PTBP3: variants seen among roughly 807,000 people sequenced by gnomAD.
PTBP3 encodes the protein polypyrimidine tract binding protein 3, also known as polypyrimidine tract-binding protein 3.
Under a neutral mutation model 58.7 loss-of-function variants are expected in PTBP3, and 20 were observed. The observed-to-expected ratio is 0.34, with a 90% CI of 0.24 to 0.50. The LOEUF (loss-of-function observed/expected upper bound fraction) is 0.50. PTBP3 is among the 20% of genes least tolerant of loss of function. The pLI is 0.98. For missense variants in PTBP3, 509 were observed against 637.2 expected (o/e 0.80, Z 2.17); for synonymous variants, 185 against 219.8 (o/e 0.84, Z 1.40).
intron 1 of PTBP3, among the ~76,000 whole-genome samples, chr9:112,320,279 TAAAAA>T (rs35381625): frequency 2.3e-5 from 1 of 43,748 alleles, no homozygotes; most frequent in African/African-American, 1.3e-4. Context: ...CCCTTTCTCT[TAAAAA>T]AAAAAAAATA....
At chr9:112,281,793 T>A (rs1468418945) in intron 2 of PTBP3, among the ~76,000 whole-genome samples, 1 of 152,236 alleles carries the variant, frequency 6.6e-6, no homozygotes, top group Non-Finnish European at 1.5e-5. Context: ...ATTTGTGCAC[T>A]TCATCTGAAG....
chr9:112,369,411 C>G, the PTBP3 span, among the ~76,000 whole-genome samples: 1 of 152,228 alleles, frequency 6.6e-6, no homozygotes, highest in Non-Finnish European at 1.5e-5. Context: ...ACTTGCATCA[C>G]TGTGACCTGG....
intron 10 of PTBP3, among the ~76,000 whole-genome samples, chr9:112,229,401 CA>C (rs58514341): frequency 0.018 from 2,771 of 151,798 alleles, 86 homozygotes; most frequent in African/African-American, 0.062. Context: ...CCGTCTCTAC[CA>C]AAAAATACAA....
intron 1 of PTBP3, chr9:112,330,545 G>C (rs769375967): frequency 7.5e-5 from 79 of 1,054,988 alleles, no homozygotes; most frequent in Non-Finnish European, 1.1e-4. Context: ...GACAGAGATA[G>C]TAAGAATAAA....
chr9:112,303,957 G>A (rs771343691), intron 1 of PTBP3, among the ~76,000 whole-genome samples: 8 of 151,326 alleles, frequency 5.3e-5, no homozygotes, highest in East Asian at 2.0e-4. Context: ...ACTTGAGGTC[G>A]GGAGTTCAAG....
chr9:112,333,516 G>T lies in PTBP3; in HGVS notation c.-98C>A, dbSNP rs1830475835. ...GCGCGCACAGAGCAGGGACTGACGG[G>T]CTAACCGCGAGCAGAGGAAGCAGGC... On this transcript the variant is annotated 5_prime_UTR_variant, in exon 1 of 14. Coordinates refer to ENST00000374257, the MANE Select transcript of PTBP3 (RefSeq NM_001163788.4). 2 of 1,582,568 alleles carry T rather than the reference G, an allele frequency of 1.3e-6. No individual in the cohort carries two copies. The highest frequency in any genetic ancestry group is 1.7e-6 in the Non-Finnish European group (2 of 1,164,296).
intron 3 of PTBP3, among the ~76,000 whole-genome samples, chr9:112,274,250 T>G (rs1293457871): frequency 6.6e-6 from 1 of 152,232 alleles, no homozygotes; most frequent in East Asian, 1.9e-4. Flanking sequence ...TATAGGGAAC[T>G]CAGACATCAT....
rs150530643 is a variant in PTBP3 at position 112,263,916 on chromosome 9, T to C, written c.352-1317A>G. On this transcript the variant is annotated intron_variant, in intron 4 of 13. Coordinates refer to ENST00000374257, the MANE Select transcript of PTBP3 (RefSeq NM_001163788.4). ...CCATAATGGAAACTTTTTTCTAAGT[T>C]TGTGATTGTCTCAAAATTTAAAGCA... Among the ~76,000 whole-genome samples, 234 of 152,242 alleles carry C rather than the reference T, an allele frequency of 1.5e-3. 1 individual carries two copies. Among genetic ancestry groups the C allele is most frequent in the African/African-American group, 5.5e-3 (228 of 41,558 alleles).
At chr9:112,259,235 G>C (rs1025183563) in intron 5 of PTBP3, among the ~76,000 whole-genome samples, 1 of 152,148 alleles carries the variant, frequency 6.6e-6, no homozygotes. Context: ...TTACAGGCGT[G>C]AGCCACCACA....
In PTBP3 at chr9:112,231,516, T is replaced by C. The variant is rs1432559788; in HGVS notation, c.1021-103A>G. 9.1e-6 allele frequency: 8 copies of C among 883,086 alleles called. No homozygotes were observed. The African/African-American group carries it at 1.0e-4, about 12-fold the overall frequency. 54.7% of individuals were successfully genotyped at this position (883,086 alleles called of 1,614,324 possible). ...CAGTTGATTTTATTTTAAAGCATGGTTTTATATGCTTCTTCCGTATATACT... is the reference window on the plus strand; with the variant it reads ...CAGTTGATTTTATTTTAAAGCATGGCTTTATATGCTTCTTCCGTATATACT... On this transcript the variant is annotated intron_variant, in intron 9 of 13. Transcript: ENST00000374257.
At chr9:112,290,695 T>TACACACACACACACAC (rs1335488388) in intron 2 of PTBP3, among the ~76,000 whole-genome samples, 1 of 76,854 alleles carries the variant, frequency 1.3e-5, no homozygotes, top group Admixed American at 1.4e-4. Flanking sequence ...AAAATATATA[T>TACACACACACACACAC]ATATATATAT....
intron 5 of PTBP3, among the ~76,000 whole-genome samples, chr9:112,261,556 A>G (rs901740904): frequency 1.3e-5 from 2 of 152,226 alleles, no homozygotes; most frequent in African/African-American, 4.8e-5. Flanking sequence ...TGTCAAATGA[A>G]AATAAGCAAG....
rs1045569943 is a variant in PTBP3 at position 112,221,677 on chromosome 9, A to G, written c.*2174T>C. The G allele has an allele frequency of 4.1e-6, 4 of 985,166 alleles. No individual in the cohort carries two copies. The highest frequency in any genetic ancestry group is 1.7e-5 in the African/African-American group (1 of 57,242). 61.0% of individuals were successfully genotyped at this position (985,166 alleles called of 1,614,324 possible). ...ACTAAAAACTCCCACAACTACATACATGAGTATATCTATCTATTCAGCCAA... is the reference window on the plus strand; with the variant it reads ...ACTAAAAACTCCCACAACTACATACGTGAGTATATCTATCTATTCAGCCAA... On this transcript the variant is annotated 3_prime_UTR_variant, in exon 14 of 14. Transcript: ENST00000374257.
At chr9:112,252,381 A>C in intron 6 of PTBP3, 1 of 347,874 alleles carries the variant, frequency 2.9e-6, no homozygotes, top group Non-Finnish European at 5.3e-6. Flanking sequence ...TGATGGCTCT[A>C]TTAGTCAGCT....
intron 1 of PTBP3, among the ~76,000 whole-genome samples, chr9:112,313,978 A>G (rs1829596480): frequency 6.6e-6 from 1 of 152,256 alleles, no homozygotes; most frequent in South Asian, 2.1e-4. Flanking sequence ...TGAATTTGCC[A>G]TGTGCCAAAT....
the PTBP3 span, among the ~76,000 whole-genome samples, chr9:112,366,495 G>T: frequency 6.6e-6 from 1 of 152,098 alleles, no homozygotes; most frequent in Non-Finnish European, 1.5e-5. Context: ...ATGGATGAAA[G>T]GGGCCAATAT....
At chr9:112,342,274 G>A in the PTBP3 span, among the ~76,000 whole-genome samples, 1 of 152,128 alleles carries the variant, frequency 6.6e-6, no homozygotes. Context: ...TCTCCAGCTT[G>A]CCGATGGCCT....
the PTBP3 span, among the ~76,000 whole-genome samples, chr9:112,375,550 G>A: frequency 6.6e-6 from 1 of 152,140 alleles, no homozygotes; most frequent in Non-Finnish European, 1.5e-5. Flanking sequence ...AACTGATCAT[G>A]TCAACTGATC....
chr9:112,230,106 T>C (rs1050484171), intron 10 of PTBP3, among the ~76,000 whole-genome samples: 18 of 152,080 alleles, frequency 1.2e-4, no homozygotes, highest in Non-Finnish European at 2.6e-4. Context: ...AAATCTTGAG[T>C]TGTAAACCCA....
Sources: allele counts gnomAD v4.1 joint callset (sites outside exome capture counted in the v4.1 genomes callset), GRCh38; gene constraint gnomAD v4.1.1; transcripts MANE v1.5; gene names NCBI Gene and HGNC (gene_info 2026-07-23, HGNC 2026-07-21).